The following KAZN variants were observed in gnomAD, a reference collection of about 807,000 sequenced individuals.
KAZN encodes kazrin, periplakin interacting protein.
A neutral mutation model predicts 87.4 loss-of-function variants in KAZN; 40 were observed. The ratio of observed to expected loss-of-function variants is 0.46; its 90% confidence interval spans 0.36 to 0.60. KAZN has a LOEUF of 0.60. KAZN is among the 20% of genes least tolerant of loss of function. The pLI, the probability that KAZN is intolerant of heterozygous loss-of-function variation, is 0.00. For synonymous variants in KAZN, 466 were observed against 458.3 expected, an observed-to-expected ratio of 1.02 and a Z score of -0.22; for missense variants, 898 against 1,073.9, an observed-to-expected ratio of 0.84 and a Z score of 2.29.
At chr1:14,847,460 C>A (rs1397554835) in intron 1 of KAZN, among the ~76,000 whole-genome samples, 1 of 152,192 alleles carries the variant, frequency 6.6e-6, no homozygotes, top group Non-Finnish European at 1.5e-5. Context: ...GGATTGCAGG[C>A]CTGGGAGGTG....
chr1:13,965,136 C>A (rs1162422083), intron 1 of KAZN, among the ~76,000 whole-genome samples: 1 of 152,022 alleles, frequency 6.6e-6, no homozygotes, highest in Non-Finnish European at 1.5e-5. Flanking sequence ...TGCCTTCCAC[C>A]CTGAGTGACA....
At chr1:13,961,153 T>C (rs891321211) in intron 1 of KAZN, among the ~76,000 whole-genome samples, 1 of 152,130 alleles carries the variant, frequency 6.6e-6, no homozygotes, top group African/African-American at 2.4e-5. Flanking sequence ...CAACTTATAA[T>C]GTAGTGTAAT....
chr1:14,775,627 T>G (rs1645153213), intron 1 of KAZN, among the ~76,000 whole-genome samples: 1 of 152,190 alleles, frequency 6.6e-6, no homozygotes, highest in Non-Finnish European at 1.5e-5. Flanking sequence ...ACGTAAAACA[T>G]GCGCCATGCT....
intron 1 of KAZN, among the ~76,000 whole-genome samples, chr1:13,931,447 G>GGGGT (rs1553174963): frequency 1.3e-5 from 2 of 149,738 alleles, no homozygotes; most frequent in African/African-American, 2.5e-5. Context: ...CAGCCAGAGG[G>GGGGT]GTGTGTGTGT....
rs532294462 is a variant in KAZN at position 15,056,701 on chromosome 1, G to C, written c.916+421G>C. ...TGATTGGCCACATCAGAGTCACATG[G>C]GCATCCTTTGGCAGGGGAGGCAGCA... On this transcript the variant is annotated intron_variant, in intron 5 of 14. Coordinates refer to ENST00000376030, the MANE Select transcript of KAZN (RefSeq NM_201628.3). This position sits in a 1 kb window ranked among gnomAD's most constrained non-coding sequence, Gnocchi z 5.4. Among the ~76,000 whole-genome samples the C allele has an allele frequency of 9.9e-5, 15 of 152,162 alleles. No homozygotes were observed. The highest frequency in any genetic ancestry group is 1.6e-4 in the Non-Finnish European group (11 of 68,028).
intron 1 of KAZN, among the ~76,000 whole-genome samples, chr1:14,045,962 C>A (rs564529012): frequency 5.3e-5 from 8 of 152,120 alleles, no homozygotes. Flanking sequence ...GCCAGGAAAA[C>A]GTACAATTGA....
rs762613728 is a variant in KAZN, at chr1:14,858,209, C to CTTTTTTTTTTTTTTTTTT, written c.227-102471_227-102470insTTTTTTTTTTTTTTTTTT. Reference sequence around the variant, plus strand: ...CTTTCTTTTTTTCTTTTTTCTTTTTCTTTTCTTTTTTTTTTTTTTTTGAGA... The same window carrying CTTTTTTTTTTTTTTTTTT: ...CTTTCTTTTTTTCTTTTTTCTTTTTCTTTTTTTTTTTTTTTTTTTTTTCTTTTTTTTTTTTTTTTGAGA... On this transcript the variant is annotated intron_variant, in intron 1 of 14. Coordinates refer to ENST00000376030, the MANE Select transcript of KAZN (RefSeq NM_201628.3). Among the ~76,000 whole-genome samples, 44 of 115,920 alleles carry CTTTTTTTTTTTTTTTTTT rather than the reference C, an allele frequency of 3.8e-4. 7 individuals are homozygous for CTTTTTTTTTTTTTTTTTT. The highest frequency in any genetic ancestry group is 9.1e-4 in the African/African-American group (24 of 26,412). 76.0% of individuals were successfully genotyped at this position (115,920 alleles called of 152,430 possible). A position where few individuals can be genotyped will look rare whatever the true frequency, so the allele number is the denominator to read the frequency against.
chr1:14,074,550 C>T (rs934525992), intron 1 of KAZN, among the ~76,000 whole-genome samples: 4 of 152,106 alleles, frequency 2.6e-5, no homozygotes, highest in African/African-American at 9.7e-5. Flanking sequence ...GTCCCGGGTA[C>T]TTAGAGGTCT....
chr1:14,973,340 TCAAA>T (rs894690298), intron 2 of KAZN, among the ~76,000 whole-genome samples: 10 of 152,168 alleles, frequency 6.6e-5, no homozygotes, highest in Admixed American at 2.0e-4. Context: ...AACTGAACAC[TCAAA>T]CAAAGGATTC....
In KAZN at chr1:14,925,415, A is replaced by T. The variant is rs1215186241; in HGVS notation, c.227-35269A>T. ...AAAACGGGAGGGGGAGGCACAACATAATTATTCCTTATTCATCGAACACCT... is the reference window on the plus strand; with the variant it reads ...AAAACGGGAGGGGGAGGCACAACATTATTATTCCTTATTCATCGAACACCT... On this transcript the variant is annotated intron_variant, in intron 1 of 14. Transcript: ENST00000376030. Among the ~76,000 whole-genome samples, 3 of 152,198 alleles carry T rather than the reference A, an allele frequency of 2.0e-5. No individual in the cohort carries two copies. The East Asian group carries it at 5.8e-4, about 29-fold the overall frequency.
intron 1 of KAZN, among the ~76,000 whole-genome samples, chr1:14,129,125 CAGCACAT>C (rs1644936358): frequency 6.6e-6 from 1 of 152,154 alleles, no homozygotes; most frequent in Non-Finnish European, 1.5e-5. Context: ...GAACAGAGTC[CAGCACAT>C]AGGGACTCAC....
At chr1:14,361,289 A>G (rs1050016085) in intron 2 of KAZN, among the ~76,000 whole-genome samples, 1 of 152,206 alleles carries the variant, frequency 6.6e-6, no homozygotes, top group Non-Finnish European at 1.5e-5. Context: ...TCCCCACACC[A>G]ACCTCTAGCA....
Position 14,825,726 on chromosome 1 carries a change from TG to T in KAZN, c.227-134957del, listed in dbSNP as rs1646866419. Among the ~76,000 whole-genome samples, 3 of 152,190 alleles carry T rather than the reference TG, an allele frequency of 2.0e-5. No individual in the cohort carries two copies. The South Asian group carries it at 6.2e-4, about 31-fold the overall frequency. Reference sequence around the variant, plus strand: ...AATCCCCAAGCTGCATTCATCCCATTGTCGCCTGATCAAGCCCCACCTGTGT... The same window carrying T: ...AATCCCCAAGCTGCATTCATCCCATTTCGCCTGATCAAGCCCCACCTGTGT... On this transcript the variant is annotated intron_variant, in intron 1 of 14. Coordinates refer to ENST00000376030, the MANE Select transcript of KAZN (RefSeq NM_201628.3).
At chr1:14,033,850 C>T (rs1641429369) in intron 1 of KAZN, among the ~76,000 whole-genome samples, 1 of 152,224 alleles carries the variant, frequency 6.6e-6, no homozygotes, top group African/African-American at 2.4e-5. Flanking sequence ...CATCCTCAAA[C>T]ACATGCAAAG....
intron 1 of KAZN, among the ~76,000 whole-genome samples, chr1:14,698,128 C>T (rs1193679166): frequency 1.3e-5 from 2 of 152,204 alleles, no homozygotes; most frequent in Admixed American, 1.3e-4. Flanking sequence ...GCTCTTCATT[C>T]CTAGGGAACG....
chr1:14,707,993 C>T (rs559907230), intron 1 of KAZN, among the ~76,000 whole-genome samples: 129 of 123,504 alleles, frequency 1.0e-3, no homozygotes, highest in Non-Finnish European at 1.6e-3. Context: ...TAAACCAGAA[C>T]GGTAAGAAAG....
intron 1 of KAZN, among the ~76,000 whole-genome samples, chr1:14,899,762 C>A (rs1243169999): frequency 6.6e-6 from 1 of 152,142 alleles, no homozygotes; most frequent in African/African-American, 2.4e-5. Context: ...CTGTAAGGCA[C>A]CCAAGATGCC....
chr1:13,948,660 C>G (rs141470033), intron 1 of KAZN, among the ~76,000 whole-genome samples: 1 of 152,192 alleles, frequency 6.6e-6, no homozygotes, highest in East Asian at 1.9e-4. Context: ...TTGAGCCTTA[C>G]CCCCAAGACC....
intron 8 of KAZN, among the ~76,000 whole-genome samples, chr1:15,072,729 C>G (rs995763104): frequency 6.6e-6 from 1 of 152,302 alleles, no homozygotes; most frequent in East Asian, 1.9e-4. Flanking sequence ...GAGTCACACA[C>G]CTAGGAAGAG....
Sources: gnomAD v4.1 joint callset for allele counts (sites outside exome capture counted in the v4.1 genomes callset) on GRCh38, gnomAD v4.1.1 for gene constraint, Gnocchi (gnomAD v3.1) non-coding constraint, MANE v1.5 for transcripts, NCBI Gene and HGNC (gene_info 2026-07-23, HGNC 2026-07-21) for gene names.